The following MTR variants were observed in gnomAD, a reference collection of about 807,000 sequenced individuals.
The protein encoded by MTR is 5-methyltetrahydrofolate-homocysteine methyltransferase, also known as methionine synthase.
Under a neutral mutation model 154.8 loss-of-function variants are expected in MTR, and 84 were observed. The observed-to-expected ratio is 0.54, with a 90% CI of 0.45 to 0.65. MTR has a LOEUF of 0.65. Ranked by LOEUF, MTR falls within the 30% of genes least tolerant of loss-of-function variation. The probability of loss-of-function intolerance (pLI) is 0.00; values close to 1 mark genes in which losing one functional copy is unlikely to be tolerated. For missense variants in MTR, 1,275 were observed against 1,570.2 expected (o/e 0.81, Z 3.18); for synonymous variants, 554 against 553.9 (o/e 1.00, Z 0.00).
intron 9 of MTR, among the ~76,000 whole-genome samples, chr1:236,824,732 T>C (rs1038233482): frequency 3.3e-5 from 5 of 152,208 alleles, no homozygotes; most frequent in East Asian, 1.9e-4. Flanking sequence ...GTGAATGTAT[T>C]TGAGCACTGC....
At chr1:236,833,261 A>G (rs899178121) in intron 13 of MTR, among the ~76,000 whole-genome samples, 1 of 152,136 alleles carries the variant, frequency 6.6e-6, no homozygotes, top group Non-Finnish European at 1.5e-5. Context: ...TCTTATGCCT[A>G]TTCTATGGTG....
chr1:236,842,769 T>C (rs1237054638), intron 15 of MTR, among the ~76,000 whole-genome samples: 1 of 113,200 alleles, frequency 8.8e-6, no homozygotes, highest in Non-Finnish European at 1.7e-5. Flanking sequence ...AATAACAAAT[T>C]TAAAAAAAAA....
At chr1:236,812,038 G>A (rs973304161) in intron 5 of MTR, among the ~76,000 whole-genome samples, 5 of 152,128 alleles carry the variant, frequency 3.3e-5, no homozygotes, top group Non-Finnish European at 7.4e-5. Flanking sequence ...GTGCCATCAC[G>A]CCTGGCTAAT....
chr1:236,815,826 A>G (rs1661560453), intron 7 of MTR, among the ~76,000 whole-genome samples, 163 bp downstream of exon 7: 1 of 152,150 alleles, frequency 6.6e-6, no homozygotes, highest in Admixed American at 6.5e-5. Context: ...TGGACCAATA[A>G]CAGTCTTATA....
intron 20 of MTR, 38 bp downstream of exon 20, chr1:236,861,315 C>T (rs1247686213): frequency 3.7e-6 from 6 of 1,613,212 alleles, no homozygotes; most frequent in South Asian, 1.1e-5. Context: ...ACAGTTGCAT[C>T]TTTTCTTTGT....
At position 236,807,430 on chromosome 1, in the gene MTR, T is replaced by A. The variant is rs567523606; in HGVS notation, c.339+1197T>A. On this transcript the variant is annotated intron_variant, in intron 3 of 32. Transcript: ENST00000366577. ...CTTAGGTAATCTGCCCACCTCGGCC[T>A]CCCAAAGTGCTGGGATTACAGGTGT... Among the ~76,000 whole-genome samples, 5 of 152,284 alleles carry A rather than the reference T, an allele frequency of 3.3e-5. No homozygotes were observed. The East Asian group carries it at 9.7e-4, about 29-fold the overall frequency.
Position 236,852,925 on chromosome 1 carries a change from A to G in MTR, c.1813-23A>G, listed in dbSNP as rs199957549. 5,873 of 1,613,520 alleles carry G rather than the reference A, an allele frequency of 3.6e-3. 12 individuals carry two copies. The highest frequency in any genetic ancestry group is 0.01 in the Middle Eastern group (62 of 6,052). On this transcript the variant is annotated intron_variant, in intron 17 of 32. Transcript: ENST00000366577. ...ACTTAAGGTATCACTGTAAATTCTCATTTTTATTTGTATTGCCCTTAGTCT... is the reference window on the plus strand; with the variant it reads ...ACTTAAGGTATCACTGTAAATTCTCGTTTTTATTTGTATTGCCCTTAGTCT...
intron 5 of MTR, among the ~76,000 whole-genome samples, chr1:236,811,279 C>T (rs1433193457): frequency 1.3e-5 from 2 of 152,168 alleles, no homozygotes; most frequent in African/African-American, 4.8e-5. Flanking sequence ...GGTCCCCTCT[C>T]ACAACACGCG....
intron 8 of MTR, among the ~76,000 whole-genome samples, chr1:236,823,026 T>A (rs959854693): frequency 6.6e-6 from 1 of 152,196 alleles, no homozygotes; most frequent in Non-Finnish European, 1.5e-5. Flanking sequence ...TTTGCTGAAT[T>A]TTTTTAATGA....
At chr1:236,866,016 C>T (rs760291530) in intron 22 of MTR, among the ~76,000 whole-genome samples, 1 of 152,150 alleles carries the variant, frequency 6.6e-6, no homozygotes, top group Admixed American at 6.5e-5. Context: ...GCTGGGACTT[C>T]GTAATATGTC....
intron 9 of MTR, among the ~76,000 whole-genome samples, chr1:236,824,859 T>G (rs558565049): frequency 1.3e-5 from 2 of 152,158 alleles, no homozygotes; most frequent in African/African-American, 4.8e-5. Context: ...AGATAATAAA[T>G]AAAACAAGAA....
At chr1:236,888,870 A>T (rs931640126) in intron 27 of MTR, among the ~76,000 whole-genome samples, 2 of 152,028 alleles carry the variant, frequency 1.3e-5, no homozygotes, top group African/African-American at 4.8e-5. Context: ...CCTTGTCTTC[A>T]TTTGTGCAAG....
chr1:236,879,486 C>G (rs1665610880), intron 24 of MTR, among the ~76,000 whole-genome samples: 1 of 152,122 alleles, frequency 6.6e-6, no homozygotes, highest in Non-Finnish European at 1.5e-5. Context: ...AAGAGTACTG[C>G]TACTTCTGGG....
At chr1:236,863,870 T>A (rs1406840607) in intron 22 of MTR, among the ~76,000 whole-genome samples, 1 of 152,186 alleles carries the variant, frequency 6.6e-6, no homozygotes, top group African/African-American at 2.4e-5. Context: ...AATATCAGGC[T>A]CCTTCCCATG....
intron 29 of MTR, among the ~76,000 whole-genome samples, chr1:236,893,484 A>G (rs561543984): frequency 2.0e-5 from 3 of 152,204 alleles, no homozygotes; most frequent in African/African-American, 4.8e-5. Context: ...CAAGCTTCCT[A>G]TGCCCCTGAT....
Position 236,807,571 on chromosome 1 carries a change from A to T in MTR, c.340-1133A>T, listed in dbSNP as rs369820792. ...TTTTCTATTTTTTTAAATAGTAGTCATCCTAATGATACTATTGGCAGATTT... is the reference window on the plus strand; with the variant it reads ...TTTTCTATTTTTTTAAATAGTAGTCTTCCTAATGATACTATTGGCAGATTT... On this transcript the variant is annotated intron_variant, in intron 3 of 32. Transcript: ENST00000366577. Among the ~76,000 whole-genome samples, 8 of 152,294 alleles carry T rather than the reference A, an allele frequency of 5.3e-5. No homozygotes were observed. The East Asian group carries it at 1.2e-3, about 22-fold the overall frequency.
At chr1:236,895,682 T>G (rs1421823044) in intron 31 of MTR, 132 bp downstream of exon 31, 3 of 841,640 alleles carry the variant, frequency 3.6e-6, no homozygotes, top group Admixed American at 6.6e-5. Flanking sequence ...TATGCTGTCC[T>G]TTTTCACTCG....
At chr1:236,851,420 A>G (rs1455010414) in intron 16 of MTR, among the ~76,000 whole-genome samples, 2 of 152,230 alleles carry the variant, frequency 1.3e-5, no homozygotes, top group Non-Finnish European at 2.9e-5. Flanking sequence ...TTAGGGAGGA[A>G]ATATGTGTGT....
chr1:236,854,784 T>C (rs948407132), intron 18 of MTR, among the ~76,000 whole-genome samples: 2 of 152,232 alleles, frequency 1.3e-5, no homozygotes, highest in African/African-American at 4.8e-5. Flanking sequence ...GGCATTCTTT[T>C]GGTCTGTACT....
Sources: gnomAD v4.1 joint callset for allele counts (sites outside exome capture counted in the v4.1 genomes callset) on GRCh38, gnomAD v4.1.1 for gene constraint, MANE v1.5 for transcripts, NCBI Gene and HGNC (gene_info 2026-07-23, HGNC 2026-07-21) for gene names.